The following ZNF419 variants were observed in gnomAD, a reference collection of about 807,000 sequenced individuals.
The protein encoded by ZNF419 is zinc finger protein 419, also known as zinc finger protein 419A.
In ZNF419, 8 loss-of-function variants were observed where a neutral mutation model predicts 14.9. The observed-to-expected ratio is 0.54, with a 90% CI of 0.32 to 0.97. The LOEUF (loss-of-function observed/expected upper bound fraction) is 0.97. Among genes scored for constraint, ZNF419 ranks in the 50% least tolerant of loss-of-function variants. The pLI, the probability that ZNF419 is intolerant of heterozygous loss-of-function variation, is 0.04. For synonymous variants in ZNF419, 211 were observed against 205.3 expected (o/e 1.03, Z -0.24); for missense variants, 595 against 607.2 (o/e 0.98, Z 0.21).
rs1249212594 is a variant in ZNF419 at position 57,493,522 on chromosome 19, A to C, written c.965A>C (p.Lys322Thr). 9 of 1,614,124 alleles carry C rather than the reference A, an allele frequency of 5.6e-6. No individual in the cohort carries two copies. Among genetic ancestry groups the C allele is most frequent in the Non-Finnish European group, 7.6e-6 (9 of 1,179,988 alleles). Residue 322 changes from lysine (K) to threonine (T), a missense_variant, in exon 5 of 5, where the codon AAA (lysine) becomes ACA (threonine). Coordinates refer to ENST00000221735, the MANE Select transcript of ZNF419 (RefSeq NM_024691.4). ...CCTTATGAGTGCAGTGAATGTGGAAAATTGTTTAGTTTCAACTCCAGCCTC... is the reference window on the plus strand; with the variant it reads ...CCTTATGAGTGCAGTGAATGTGGAACATTGTTTAGTTTCAACTCCAGCCTC... ...VRPYECSECG[K>T]LFSFNSSLMK...
At chr19:57,492,352 A>G (rs1477960694) in intron 4 of ZNF419, 141 bp downstream of exon 4, 1 of 1,014,986 alleles carries the variant, frequency 9.9e-7, no homozygotes, top group East Asian at 2.4e-5. Flanking sequence ...ATTTATATCT[A>G]TTCTGATGTT....
chr19:57,493,691 A>T lies in ZNF419; in HGVS notation c.1134A>T (p.Lys378Asn), dbSNP rs1172231502. 2 of 1,613,946 alleles carry T rather than the reference A, an allele frequency of 1.2e-6. No individual in the cohort carries two copies. Among genetic ancestry groups the T allele is most frequent in the Non-Finnish European group, 1.7e-6 (2 of 1,180,014 alleles). The stretch of plus-strand genomic sequence containing the variant: ...CTTACAAGTGCAGCGACTGTGGGAA[A>T]TTTTTTACCCAATGCTCAAGCCTCA... ...ERPYKCSDCG[K>N]FFTQCSSLMQ... The change falls in exon 5 of 5, where the codon AAA (lysine) becomes AAT (asparagine). Residue 378 changes from lysine to asparagine, a missense_variant. Lys to Asn is a moderately conservative substitution (Grantham distance 94, BLOSUM62 0). Coordinates refer to ENST00000221735, the MANE Select transcript of ZNF419 (RefSeq NM_024691.4).
chr19:57,491,850 T>C, intron 3 of ZNF419: 1 of 680,812 alleles, frequency 1.5e-6, no homozygotes, highest in Admixed American at 2.1e-5. Context: ...TTATCCCTGG[T>C]GGCCTCTCTG....
In ZNF419 at chr19:57,492,885, G is replaced by T. The variant is rs745635414; in HGVS notation, c.328G>T (p.Ala110Ser). The T allele has an allele frequency of 3.7e-5, 59 of 1,613,610 alleles. No homozygotes were observed. Among genetic ancestry groups the T allele is most frequent in the Non-Finnish European group, 4.5e-5 (53 of 1,179,812 alleles). Residue 110 changes from alanine (A) to serine (S), a missense_variant, in exon 5 of 5, where the codon GCT (alanine) becomes TCT (serine). Ala to Ser is a moderately conservative substitution (Grantham distance 99, BLOSUM62 1). Transcript: ENST00000221735. The stretch of plus-strand genomic sequence containing the variant: ...TTGGCATGGAGCCGAGGCTGAGGAG[G>T]CTCCTGAGCAGATTGCTTCTGTAGG... Reference protein sequence around the residue: ...GCWHGAEAEEAPEQIASVGLL... With the variant: ...GCWHGAEAEESPEQIASVGLL...
At chr19:57,490,292 C>T in intron 2 of ZNF419, 107 bp downstream of exon 2, 8 of 1,008,200 alleles carry the variant, frequency 7.9e-6, no homozygotes, top group African/African-American at 1.6e-5. Flanking sequence ...CCTACCCTTC[C>T]ATTTGAGTTC....
intron 4 of ZNF419, chr19:57,492,422 C>T (rs778466976): frequency 1.3e-6 from 1 of 781,636 alleles, no homozygotes; most frequent in Non-Finnish European, 2.3e-6. Flanking sequence ...ATCAGCAGAA[C>T]CCTTCAGCAG....
In ZNF419 at chr19:57,493,339, G is replaced by A. The variant is rs371089823; in HGVS notation, c.782G>A (p.Cys261Tyr). The change falls in exon 5 of 5, where the codon TGT becomes TAT. Residue 261 changes from cysteine (C) to tyrosine (Y), a missense_variant. Coordinates refer to ENST00000221735, the MANE Select transcript of ZNF419 (RefSeq NM_024691.4). ...IVHTGERPYGCSNCGKSFSRN... is the reference protein window; with the variant it reads ...IVHTGERPYGYSNCGKSFSRN... ...CACACTGGAGAAAGGCCTTACGGGT[G>A]TAGTAACTGTGGAAAATCCTTTAGC... The A allele has an allele frequency of 1.7e-5, 28 of 1,614,062 alleles. No individual in the cohort carries two copies. Among genetic ancestry groups the A allele is most frequent in the Middle Eastern group, 1.6e-4 (1 of 6,084 alleles).
chr19:57,494,239 G>C lies in ZNF419; in HGVS notation c.*149G>C. The C allele has an allele frequency of 8.0e-7, 1 of 1,248,126 alleles. No homozygotes were observed. The highest frequency in any genetic ancestry group is 1.6e-5 in the South Asian group (1 of 62,640). 77.3% of individuals were successfully genotyped at this position (1,248,126 alleles called of 1,614,324 possible). On this transcript the variant is annotated 3_prime_UTR_variant, in exon 5 of 5. Coordinates refer to ENST00000221735, the MANE Select transcript of ZNF419 (RefSeq NM_024691.4). ...GACAGTTTACAATGTGGACAATGTA[G>C]TGAATATGGAAAAAGGTTTCAGCCA...
In ZNF419 at chr19:57,492,174, G is replaced by C; in HGVS notation, c.261G>C (p.Met87Ile). 6.2e-7 allele frequency: 1 copy of C among 1,613,898 alleles called. No homozygotes were observed. Among genetic ancestry groups the C allele is most frequent in the Non-Finnish European group, 8.5e-7 (1 of 1,179,996 alleles). ...TGGAGTCATGGGAGGAGCCCTTCATGCCTGCTTGGGAAGTTGTGACTTCAG... is the reference window on the plus strand; with the variant it reads ...TGGAGTCATGGGAGGAGCCCTTCATCCCTGCTTGGGAAGTTGTGACTTCAG... ...TQLESWEEPF[M>I]PAWEVVTSAI... Residue 87 changes from methionine to isoleucine, a missense_variant, in exon 4 of 5, where the codon ATG becomes ATC. By Grantham distance (10) the Met-to-Ile change is conservative. Transcript: ENST00000221735.
chr19:57,487,987 A>G lies in ZNF419; in HGVS notation c.33+4A>G, dbSNP rs1488879955. 3.1e-6 allele frequency: 5 copies of G among 1,613,578 alleles called. No individual in the cohort carries two copies. Among genetic ancestry groups the G allele is most frequent in the South Asian group, 2.2e-5 (2 of 91,036 alleles). On this transcript the variant is annotated splice_donor_region_variant and intron_variant, in intron 1 of 4. Coordinates refer to ENST00000221735, the MANE Select transcript of ZNF419 (RefSeq NM_024691.4). ...CGCCCTGAGGGACCCCGCTCAGGTG[A>G]GCGCCGCGTCCTCCTGGCCTCCCCC...
At position 57,490,140 on chromosome 19, in the gene ZNF419, T is replaced by A; in HGVS notation, c.34-7T>A. 6.2e-7 allele frequency: 1 copy of A among 1,613,372 alleles called. No homozygotes were observed. The highest frequency in any genetic ancestry group is 8.5e-7 in the Non-Finnish European group (1 of 1,179,672). ...TGTCTGGTTCTCATAGTCTTGATTTTCCATAGGTTCCTGTGGCTGCAGACT... is the reference window on the plus strand; with the variant it reads ...TGTCTGGTTCTCATAGTCTTGATTTACCATAGGTTCCTGTGGCTGCAGACT... On this transcript the variant is annotated splice_region_variant and splice_polypyrimidine_tract_variant and intron_variant, in intron 1 of 4. Coordinates refer to ENST00000221735, the MANE Select transcript of ZNF419 (RefSeq NM_024691.4).
At position 57,492,872 on chromosome 19, in the gene ZNF419, C is replaced by G; in HGVS notation, c.315C>G (p.Ala105=). 1 of 1,613,468 alleles carries G rather than the reference C, an allele frequency of 6.2e-7. No individual in the cohort carries two copies. The highest frequency in any genetic ancestry group is 8.5e-7 in the Non-Finnish European group (1 of 1,179,648). Residue 105 remains alanine (A), a synonymous_variant, in exon 5 of 5, where the codon GCC becomes GCG. Transcript: ENST00000221735. The stretch of plus-strand genomic sequence containing the variant: ...TTCTGTCAGGTTGTTGGCATGGAGC[C>G]GAGGCTGAGGAGGCTCCTGAGCAGA... ...SAIPRGCWHG[A]EAEEAPEQIA...
chr19:57,493,699 C>T lies in ZNF419; in HGVS notation c.1142C>T (p.Thr381Ile), dbSNP rs767765945. ...TGCAGCGACTGTGGGAAATTTTTTA[C>T]CCAATGCTCAAGCCTCATGCAACAT... ...YKCSDCGKFF[T>I]QCSSLMQHQK... Residue 381 changes from threonine (T) to isoleucine (I), a missense_variant, in exon 5 of 5, where the codon ACC becomes ATC. By Grantham distance (89) the Thr-to-Ile change is moderately conservative. Transcript: ENST00000221735. 7.4e-6 allele frequency: 12 copies of T among 1,613,588 alleles called. No individual in the cohort carries two copies. The highest frequency in any genetic ancestry group is 1.0e-5 in the Non-Finnish European group (12 of 1,179,934).
At chr19:57,491,187 A>G (rs1205980404) in intron 2 of ZNF419, 2 of 471,070 alleles carry the variant, frequency 4.2e-6, no homozygotes, top group Admixed American at 6.8e-5. Flanking sequence ...ATTTGATTGT[A>G]TTTGAGAAAC....
chr19:57,487,930 C>T lies in ZNF419; in HGVS notation c.-21C>T. On this transcript the variant is annotated 5_prime_UTR_variant, in exon 1 of 5. Transcript: ENST00000221735. ...CTTTCCTCGGTCATTGTCTCCCCTC[C>T]AGCTCTACTCACAGGCTCCGATGGC... is the stretch of plus-strand genomic sequence containing the variant. 6 of 1,613,340 alleles carry T rather than the reference C, an allele frequency of 3.7e-6. No homozygotes were observed. The highest frequency in any genetic ancestry group is 4.2e-6 in the Non-Finnish European group (5 of 1,179,892).
Position 57,492,944 on chromosome 19 carries a change from G to A in ZNF419, c.387G>A (p.Lys129=). The change falls in exon 5 of 5, where the codon AAG becomes AAA. Residue 129 remains lysine (K), a synonymous_variant. Coordinates refer to ENST00000221735, the MANE Select transcript of ZNF419 (RefSeq NM_024691.4). ...GTTCAAACATTCAGCAACACCAGAA[G>A]CAGCACTGTGGAGAGAAACCCTTAA... ...LLSSNIQQHQ[K]QHCGEKPLKR... The A allele has an allele frequency of 6.2e-7, 1 of 1,614,232 alleles. No individual in the cohort carries two copies. The highest frequency in any genetic ancestry group is 8.5e-7 in the Non-Finnish European group (1 of 1,180,046).
At position 57,494,387 on chromosome 19, in the gene ZNF419, T is replaced by A. The variant is rs2089581664; in HGVS notation, c.*297T>A. The A allele has an allele frequency of 8.7e-6, 3 of 342,978 alleles. No homozygotes were observed. The highest frequency in any genetic ancestry group is 1.5e-5 in the Non-Finnish European group (3 of 196,446). 21.2% of individuals were successfully genotyped at this position (342,978 alleles called of 1,614,324 possible). On this transcript the variant is annotated 3_prime_UTR_variant, in exon 5 of 5. Transcript: ENST00000221735. Reference sequence around the variant, plus strand: ...AAACAGAAACTCTGAGGATGGCCTTTATGAGGGAGCTGGCAATTGAACATC... The same window carrying A: ...AAACAGAAACTCTGAGGATGGCCTTAATGAGGGAGCTGGCAATTGAACATC...
chr19:57,492,335 G>A (rs1431911314), intron 4 of ZNF419, 124 bp downstream of exon 4: 4 of 1,120,836 alleles, frequency 3.6e-6, no homozygotes, highest in Non-Finnish European at 5.5e-6. Context: ...TTCTTCCTTA[G>A]TCACCCATTT....
At position 57,493,335 on chromosome 19, in the gene ZNF419, G is replaced by A. The variant is rs748674486; in HGVS notation, c.778G>A (p.Gly260Arg). Residue 260 changes from glycine (G) to arginine (R), a missense_variant, in exon 5 of 5, where the codon GGG becomes AGG. Gly to Arg is a moderately radical substitution (Grantham distance 125). Coordinates refer to ENST00000221735, the MANE Select transcript of ZNF419 (RefSeq NM_024691.4). The stretch of plus-strand genomic sequence containing the variant: ...AGTTCACACTGGAGAAAGGCCTTAC[G>A]GGTGTAGTAACTGTGGAAAATCCTT... ...QIVHTGERPY[G>R]CSNCGKSFSR... 1.5e-5 allele frequency: 24 copies of A among 1,613,208 alleles called. No individual in the cohort carries two copies. The highest frequency in any genetic ancestry group is 1.9e-5 in the Non-Finnish European group (22 of 1,179,804).
Sources: gnomAD v4.1 joint callset for allele counts on GRCh38, gnomAD v4.1.1 for gene constraint, MANE v1.5 for transcripts, NCBI Gene and HGNC (gene_info 2026-07-23, HGNC 2026-07-21) for gene names.